The following CLPTM1L variants were observed in gnomAD, a reference collection of about 807,000 sequenced individuals.
CLPTM1L encodes lipid scramblase CLPTM1L.
Under a neutral mutation model 70.9 loss-of-function variants are expected in CLPTM1L, and 38 were observed. The observed-to-expected ratio is 0.54, with a 90% CI of 0.41 to 0.70. The LOEUF is 0.70. CLPTM1L is among the 30% of genes least tolerant of loss of function. The pLI is 0.00. For synonymous variants in CLPTM1L, 339 were observed against 299.9 expected, an observed-to-expected ratio of 1.13 and a Z score of -1.35; for missense variants, 652 against 705.9, an observed-to-expected ratio of 0.92 and a Z score of 0.87.
At chr5:1,328,591 G>GATTTCATCCAGCTCCTCCTCTACAGACAC (rs1752814590) in intron 9 of CLPTM1L, among the ~76,000 whole-genome samples, 3 of 56,714 alleles carry the variant, frequency 5.3e-5, no homozygotes, top group Non-Finnish European at 1.1e-4. Context: ...TCTACAGACA[G>GATTTCATCCAGCTCCTCCTCTACAGACAC]ATTTCATCCA....
In CLPTM1L at chr5:1,334,301, G is replaced by C. The variant is rs773036012; in HGVS notation, c.879C>G (p.Val293=). The C allele has an allele frequency of 1.3e-5, 21 of 1,613,308 alleles. No homozygotes were observed. Among genetic ancestry groups the C allele is most frequent in the Middle Eastern group, 1.6e-4 (1 of 6,078 alleles). The part of the protein sequence containing the change: ...NLYFLALTFF[V]AAFHLLFDFL... Reference sequence around the variant, plus strand: ...GTGGATGACTCACATGGAACGCTGCGACAAAGAAGGTCAGCGCCAGGAAGT... The same window carrying C: ...GTGGATGACTCACATGGAACGCTGCCACAAAGAAGGTCAGCGCCAGGAAGT... The change falls in exon 7 of 17, where the codon GTC becomes GTG. Residue 293 remains valine (V), a synonymous_variant. Transcript: ENST00000320895.
intron 7 of CLPTM1L, among the ~76,000 whole-genome samples, chr5:1,333,279 C>T (rs1753265149): frequency 8.2e-6 from 1 of 122,476 alleles, no homozygotes; most frequent in Non-Finnish European, 1.7e-5. Flanking sequence ...TGTATACACA[C>T]CAGATGAGGA....
chr5:1,335,665 A>G (rs1229993826), intron 5 of CLPTM1L, among the ~76,000 whole-genome samples: 1 of 152,220 alleles, frequency 6.6e-6, no homozygotes, highest in African/African-American at 2.4e-5. Flanking sequence ...CCGTGGGGAC[A>G]ACAGAAAGCT....
chr5:1,324,177 C>T (rs989745590), intron 11 of CLPTM1L: 6 of 422,294 alleles, frequency 1.4e-5, no homozygotes, highest in Admixed American at 8.0e-5. Flanking sequence ...GGAAAGAAAC[C>T]GGAAAAAACT....
chr5:1,333,903 C>G (rs1936365727), intron 7 of CLPTM1L, among the ~76,000 whole-genome samples: 1 of 152,072 alleles, frequency 6.6e-6, no homozygotes, highest in Non-Finnish European at 1.5e-5. Context: ...TAGAGGCTGC[C>G]CAGCTCCGCC....
At chr5:1,332,616 C>CAG (rs1354766885) in intron 7 of CLPTM1L, among the ~76,000 whole-genome samples, 1 of 152,204 alleles carries the variant, frequency 6.6e-6, no homozygotes, top group African/African-American at 2.4e-5. Context: ...AGTAAGAGCA[C>CAG]AGCAGCCTTG....
At chr5:1,332,532 G>A (rs1194469281) in intron 7 of CLPTM1L, among the ~76,000 whole-genome samples, 1 of 152,214 alleles carries the variant, frequency 6.6e-6, no homozygotes, top group African/African-American at 2.4e-5. Context: ...CGCACTCCTG[G>A]GTGCCGCCTA....
intron 7 of CLPTM1L, 61 bp from the exon 8 acceptor site, chr5:1,331,944 A>G: frequency 7.2e-7 from 1 of 1,393,640 alleles, no homozygotes; most frequent in Non-Finnish European, 1.0e-6. Flanking sequence ...CCTGTGAGAC[A>G]GAGATAGAGG....
At chr5:1,338,587 C>T (rs766092878) in intron 4 of CLPTM1L, among the ~76,000 whole-genome samples, 1 of 152,254 alleles carries the variant, frequency 6.6e-6, no homozygotes, top group Non-Finnish European at 1.5e-5. Context: ...CAACCCGTTC[C>T]CATCAGCGCC....
chr5:1,343,261 C>T (rs997309749), intron 2 of CLPTM1L, among the ~76,000 whole-genome samples: 1 of 152,116 alleles, frequency 6.6e-6, no homozygotes, highest in Admixed American at 6.5e-5. Context: ...CCTCACTACC[C>T]AGGAAAGAGT....
chr5:1,332,341 C>G (rs1167261100), intron 7 of CLPTM1L: 2 of 162,382 alleles, frequency 1.2e-5, no homozygotes, highest in African/African-American at 4.8e-5. Context: ...GGTTTGAGAC[C>G]AGCCTGGGCA....
intron 7 of CLPTM1L, among the ~76,000 whole-genome samples, chr5:1,333,002 G>A (rs946995419): frequency 6.7e-6 from 1 of 148,738 alleles, no homozygotes; most frequent in African/African-American, 2.5e-5. Context: ...ATGAGGATAA[G>A]GGGGGAATAC....
intron 9 of CLPTM1L, among the ~76,000 whole-genome samples, chr5:1,328,819 GACACATT>G: frequency 6.7e-6 from 1 of 150,314 alleles, no homozygotes; most frequent in South Asian, 2.1e-4. Flanking sequence ...CTGCTCTACA[GACACATT>G]GCATCCAGCT....
intron 13 of CLPTM1L, among the ~76,000 whole-genome samples, chr5:1,322,066 A>T (rs1311355654): frequency 2.0e-5 from 3 of 152,166 alleles, no homozygotes; most frequent in Admixed American, 2.0e-4. Context: ...AATCAGTGTA[A>T]CTGCTGCCCA....
At chr5:1,327,784 C>CCCAGCTCCTCCTCTACAGACACATTCCAT (rs1561235836) in intron 9 of CLPTM1L, among the ~76,000 whole-genome samples, 10 of 104,268 alleles carry the variant, frequency 9.6e-5, no homozygotes, top group East Asian at 3.5e-4. Flanking sequence ...GGACATTCCA[C>CCCAGCTCCTCCTCTACAGACACATTCCAT]CCAGCTCCTC....
Position 1,325,789 on chromosome 5 carries a change from T to C in CLPTM1L, c.1108A>G (p.Met370Val). The change falls in exon 10 of 17, where the codon ATG (methionine) becomes GTG (valine). Residue 370 changes from methionine to valine, a missense_variant. Physicochemically the swap from Met to Val is conservative, Grantham distance 21. Coordinates refer to ENST00000320895, the MANE Select transcript of CLPTM1L (RefSeq NM_030782.5). The stretch of plus-strand genomic sequence containing the variant: ...ATCAGGCCTCTCCAAAAAATAGTCA[T>C]CTTCAATGCCTTCTTCACTTTCCAC... ...ELWKVKKALK[M>V]TIFWRGLMPE... 3 of 1,614,008 alleles carry C rather than the reference T, an allele frequency of 1.9e-6. No homozygotes were observed. Among genetic ancestry groups the C allele is most frequent in the Non-Finnish European group, 2.5e-6 (3 of 1,179,946 alleles).
rs373526334 is a variant in CLPTM1L, at chr5:1,334,275, G to A, written c.891+14C>T. The A allele has an allele frequency of 1.4e-4, 219 of 1,606,740 alleles. No homozygotes were observed. The African/African-American group carries it at 1.9e-3, about 14-fold the overall frequency. Reference sequence around the variant, plus strand: ...CCCAAGTGCCTGCGGCAAGCCCCCCGGTGGATGACTCACATGGAACGCTGC... The same window carrying A: ...CCCAAGTGCCTGCGGCAAGCCCCCCAGTGGATGACTCACATGGAACGCTGC... On this transcript the variant is annotated intron_variant, in intron 7 of 16. Transcript: ENST00000320895.
intron 13 of CLPTM1L, among the ~76,000 whole-genome samples, chr5:1,322,192 A>G (rs538636228): frequency 6.6e-6 from 1 of 152,198 alleles, no homozygotes; most frequent in African/African-American, 2.4e-5. Context: ...GGAGGACGGC[A>G]GTGCGGGACC....
In CLPTM1L at chr5:1,344,452, C is replaced by G. The variant is rs975664859; in HGVS notation, c.163-1G>C. 1 of 1,612,892 alleles carries G rather than the reference C, an allele frequency of 6.2e-7. No homozygotes were observed. The highest frequency in any genetic ancestry group is 8.5e-7 in the Non-Finnish European group (1 of 1,179,304). On this transcript the variant is annotated splice_acceptor_variant, in intron 1 of 16. Coordinates refer to ENST00000320895, the MANE Select transcript of CLPTM1L (RefSeq NM_030782.5). LOFTEE classifies it high-confidence loss of function. Reference sequence around the variant, plus strand: ...ACCTCGTCGTGGTGTACACGCTCAGCTGGAAAGGAGGGGGCGTCGAGAGTC... The same window carrying G: ...ACCTCGTCGTGGTGTACACGCTCAGGTGGAAAGGAGGGGGCGTCGAGAGTC...
Sources: gnomAD v4.1 joint callset for allele counts (sites outside exome capture counted in the v4.1 genomes callset) on GRCh38, gnomAD v4.1.1 for gene constraint, MANE v1.5 for transcripts, NCBI Gene and HGNC (gene_info 2026-07-23, HGNC 2026-07-21) for gene names.